Variants in RUNX1 observed in about 807,000 individuals in gnomAD.
The protein encoded by RUNX1 is RUNX family transcription factor 1.
RUNX1 carries 19 observed loss-of-function variants against 42.8 expected under a neutral mutation model. The ratio of observed to expected loss-of-function variants is 0.44; its 90% CI spans 0.31 to 0.65. The LOEUF (loss-of-function observed/expected upper bound fraction) is 0.65. RUNX1 is among the 30% of genes least tolerant of loss of function. The pLI is 0.07. For synonymous variants in RUNX1, 271 were observed against 289.4 expected, an observed-to-expected ratio of 0.94 and a Z score of 0.64; for missense variants, 528 against 672.0, an observed-to-expected ratio of 0.79 and a Z score of 2.37.
chr21:34,916,361 C>T (rs937837070), intron 2 of RUNX1, among the ~76,000 whole-genome samples: 5 of 152,236 alleles, frequency 3.3e-5, no homozygotes, highest in South Asian at 4.1e-4. Flanking sequence ...GGGCCCTTCC[C>T]GTGGGCAAAG....
intron 5 of RUNX1, among the ~76,000 whole-genome samples, chr21:34,860,699 A>T (rs1393170728): frequency 2.6e-5 from 4 of 152,258 alleles, no homozygotes; most frequent in Non-Finnish European, 5.9e-5. Context: ...TGTAGCATAA[A>T]GTAAATCAAA....
At chr21:35,021,156 AAGTCTGAGTC>A (rs1363008388) in intron 2 of RUNX1, among the ~76,000 whole-genome samples, 2 of 152,316 alleles carry the variant, frequency 1.3e-5, no homozygotes, top group Non-Finnish European at 2.9e-5. Flanking sequence ...TGGAGCCAGA[AAGTCTGAGTC>A]AGTCTGAGTC....
At chr21:34,823,546 C>T (rs578153290) in intron 7 of RUNX1, among the ~76,000 whole-genome samples, 40 of 150,210 alleles carry the variant, frequency 2.7e-4, no homozygotes, top group African/African-American at 9.7e-4. Context: ...CAGGTTCAAG[C>T]GATTCTCCTG....
intron 2 of RUNX1, among the ~76,000 whole-genome samples, chr21:34,911,635 AC>A (rs1230880627): frequency 2.0e-5 from 3 of 152,128 alleles, no homozygotes; most frequent in African/African-American, 7.2e-5. Flanking sequence ...AGAGAGTGAT[AC>A]ACATTAGATT....
chr21:34,862,383 T>A (rs1318923851), intron 5 of RUNX1, among the ~76,000 whole-genome samples: 1 of 152,196 alleles, frequency 6.6e-6, no homozygotes, highest in Non-Finnish European at 1.5e-5. Context: ...CCTCAGTGAC[T>A]TCATAAAAAT....
At chr21:34,994,774 T>C (rs963208629) in intron 2 of RUNX1, among the ~76,000 whole-genome samples, 48 of 152,246 alleles carry the variant, frequency 3.2e-4, no homozygotes, top group Non-Finnish European at 8.8e-5. Context: ...TACACATATA[T>C]GCAGACTTTT....
At chr21:35,046,363 T>C (rs2059396221) in intron 2 of RUNX1, among the ~76,000 whole-genome samples, 1 of 152,166 alleles carries the variant, frequency 6.6e-6, no homozygotes, top group Admixed American at 6.5e-5. Context: ...GAGTTACAGG[T>C]TTCCTTCTGT....
intron 2 of RUNX1, among the ~76,000 whole-genome samples, chr21:34,966,556 T>C (rs1222305429): frequency 6.6e-6 from 1 of 152,164 alleles, no homozygotes; most frequent in Non-Finnish European, 1.5e-5. Flanking sequence ...CCTCATTGAC[T>C]GCTTTCAATG....
intron 2 of RUNX1, among the ~76,000 whole-genome samples, chr21:35,035,760 G>T (rs184392884): frequency 6.6e-6 from 1 of 152,194 alleles, no homozygotes; most frequent in Non-Finnish European, 1.5e-5. Flanking sequence ...GTTTGACGCG[G>T]ACTCCAGATT....
chr21:35,009,998 G>T (rs1297411303), intron 2 of RUNX1, among the ~76,000 whole-genome samples: 2 of 152,164 alleles, frequency 1.3e-5, no homozygotes, highest in African/African-American at 4.8e-5. Flanking sequence ...AACTAGGCTG[G>T]ATGAAAGTCT....
At chr21:34,827,708 C>CT (rs2057008279) in intron 7 of RUNX1, among the ~76,000 whole-genome samples, 1 of 152,204 alleles carries the variant, frequency 6.6e-6, no homozygotes, top group Admixed American at 6.5e-5. Flanking sequence ...GCCACCCCAG[C>CT]TGTGGCTTCA....
Position 34,893,069 on chromosome 21 carries a change from A to G in RUNX1, c.59-106T>C, listed in dbSNP as rs1375197274. 4.2e-6 allele frequency: 3 copies of G among 715,096 alleles called. No homozygotes were observed. In the African/African-American group the frequency reaches 5.4e-5, roughly 13 times the overall value. 44.3% of individuals were successfully genotyped at this position (715,096 alleles called of 1,614,324 possible). A position where few individuals can be genotyped will look rare whatever the true frequency, so the allele number is the denominator to read the frequency against. On this transcript the variant is annotated intron_variant, in intron 2 of 8. Coordinates refer to ENST00000675419, the MANE Select transcript of RUNX1 (RefSeq NM_001754.5). Reference sequence around the variant, plus strand: ...CTCATTTCTTCTTACACTTTTTAGCACTGGAGATTTTTATAGCTTTGACAC... The same window carrying G: ...CTCATTTCTTCTTACACTTTTTAGCGCTGGAGATTTTTATAGCTTTGACAC...
intron 4 of RUNX1, among the ~76,000 whole-genome samples, chr21:34,884,739 G>A (rs2057955638): frequency 6.6e-6 from 1 of 152,228 alleles, no homozygotes; most frequent in Admixed American, 6.5e-5. Flanking sequence ...CTCTTTTTAT[G>A]AGGATTGGGG....
chr21:34,897,372 T>C (rs1033457175), intron 2 of RUNX1, among the ~76,000 whole-genome samples: 4 of 152,242 alleles, frequency 2.6e-5, no homozygotes, highest in African/African-American at 9.6e-5. Flanking sequence ...ATAGTTCTGC[T>C]GTGTTCTCCT....
At chr21:34,993,524 CACAT>C (rs1215203775) in intron 2 of RUNX1, among the ~76,000 whole-genome samples, 25 of 139,856 alleles carry the variant, frequency 1.8e-4, no homozygotes, top group Middle Eastern at 3.8e-3. Flanking sequence ...CACACACACA[CACAT>C]ACATACAGGC....
At chr21:34,996,773 C>T (rs535654450) in intron 2 of RUNX1, among the ~76,000 whole-genome samples, 102 of 151,878 alleles carry the variant, frequency 6.7e-4, no homozygotes, top group Non-Finnish European at 1.3e-3. Flanking sequence ...GTAATGTAGG[C>T]GTTCTGCAGC....
chr21:35,015,623 T>C (rs1455616727), intron 2 of RUNX1, among the ~76,000 whole-genome samples: 4 of 152,174 alleles, frequency 2.6e-5, no homozygotes. Flanking sequence ...GCTTTGATCA[T>C]GCGAAAGTCA....
chr21:34,919,960 C>T (rs925360254), intron 2 of RUNX1, among the ~76,000 whole-genome samples: 1 of 152,180 alleles, frequency 6.6e-6, no homozygotes, highest in East Asian at 1.9e-4. Flanking sequence ...CCAGGCTCTG[C>T]GTTAGGTACT....
Position 34,928,963 on chromosome 21 carries a change from G to T in RUNX1, c.59-36000C>A, listed in dbSNP as rs571713258. ...AGCTTATTTCTACAGATTTTTTTTG[G>T]GGGGGGGGGTAGATTTCACTTTGTG... On this transcript the variant is annotated intron_variant, in intron 2 of 8. Transcript: ENST00000675419. Among the ~76,000 whole-genome samples, 366 of 45,106 alleles carry T rather than the reference G, an allele frequency of 8.1e-3. 2 individuals carry two copies. Among genetic ancestry groups the T allele is most frequent in the African/African-American group, 0.017 (316 of 18,294 alleles). The allele number at this position is 45,106 out of a possible 152,430, so 29.6% of individuals were successfully genotyped here. A position where few individuals can be genotyped will look rare whatever the true frequency, so the allele number is the denominator to read the frequency against.
Sources: allele counts gnomAD v4.1 joint callset (sites outside exome capture counted in the v4.1 genomes callset), GRCh38; gene constraint gnomAD v4.1.1; transcripts MANE v1.5; gene names NCBI Gene and HGNC (gene_info 2026-07-23, HGNC 2026-07-21).